Variants in CASR observed in about 807,000 individuals in gnomAD.
CASR encodes calcium sensing receptor, also known as extracellular calcium-sensing receptor.
Under a neutral mutation model 69.1 loss-of-function variants are expected in CASR, and 23 were observed. The ratio of observed to expected loss-of-function variants is 0.33; its 90% CI spans 0.24 to 0.47. The LOEUF (loss-of-function observed/expected upper bound fraction) is 0.47, where lower values mean the gene tolerates loss of function less well. Among genes scored for constraint, CASR ranks in the 20% least tolerant of loss-of-function variants. The probability of loss-of-function intolerance (pLI) is 1.00; values close to 1 mark genes in which losing one functional copy is unlikely to be tolerated. For synonymous variants in CASR, 541 were observed against 544.7 expected (o/e 0.99, Z 0.10); for missense variants, 924 against 1,356.1 (o/e 0.68, Z 5.00).
At chr3:122,258,908 G>A (rs1163392345) in intron 3 of CASR, among the ~76,000 whole-genome samples, 1 of 152,074 alleles carries the variant, frequency 6.6e-6, no homozygotes, top group Non-Finnish European at 1.5e-5. Flanking sequence ...TGATTCTAAT[G>A]TGCAGCTGGG....
chr3:122,279,463 TA>T (rs995936650), intron 5 of CASR, among the ~76,000 whole-genome samples: 2 of 152,160 alleles, frequency 1.3e-5, no homozygotes, highest in African/African-American at 4.8e-5. Flanking sequence ...AAATCCTAAA[TA>T]AAATATCACC....
At chr3:122,255,496 G>A (rs1057420214) in intron 2 of CASR, among the ~76,000 whole-genome samples, 2 of 152,208 alleles carry the variant, frequency 1.3e-5, no homozygotes, top group East Asian at 1.9e-4. Context: ...GTGCAGAATC[G>A]CACTGATGCT....
chr3:122,218,260 G>A (rs759044419), intron 1 of CASR, among the ~76,000 whole-genome samples: 1 of 152,104 alleles, frequency 6.6e-6, no homozygotes, highest in Non-Finnish European at 1.5e-5. Flanking sequence ...TACGGGCCAA[G>A]CATGGTAGCT....
chr3:122,267,117 C>T (rs1160250103), intron 4 of CASR, among the ~76,000 whole-genome samples: 1 of 152,194 alleles, frequency 6.6e-6, no homozygotes, highest in African/African-American at 2.4e-5. Context: ...TAAAGATTCC[C>T]TGTCATTGCT....
intron 1 of CASR, among the ~76,000 whole-genome samples, chr3:122,248,153 C>G (rs1305591178): frequency 6.6e-6 from 1 of 152,096 alleles, no homozygotes; most frequent in Non-Finnish European, 1.5e-5. Flanking sequence ...GAAAGAGGGC[C>G]CTCATTTTAA....
intron 6 of CASR, 60 bp from the exon 7 acceptor site, chr3:122,283,627 C>A: frequency 7.4e-7 from 1 of 1,348,694 alleles, no homozygotes; most frequent in Non-Finnish European, 1.1e-6. Context: ...ACCACATGTA[C>A]ACTCACACAT....
intron 1 of CASR, among the ~76,000 whole-genome samples, chr3:122,252,707 A>G (rs2074511255): frequency 6.6e-6 from 1 of 152,070 alleles, no homozygotes; most frequent in South Asian, 2.1e-4. Context: ...GGAGGAAAAG[A>G]TGGCTCCTTA....
At chr3:122,215,380 A>G (rs1444559694) in intron 1 of CASR, among the ~76,000 whole-genome samples, 1 of 152,236 alleles carries the variant, frequency 6.6e-6, no homozygotes, top group East Asian at 1.9e-4. Flanking sequence ...AAAAAAGATG[A>G]CAGCCATCTA....
At chr3:122,209,461 A>G (rs2074040749) in intron 1 of CASR, among the ~76,000 whole-genome samples, 1 of 152,234 alleles carries the variant, frequency 6.6e-6, no homozygotes, top group Non-Finnish European at 1.5e-5. Context: ...CCTCACAATC[A>G]TGGCAAAAGG....
chr3:122,196,402 G>A (rs1320532078), intron 1 of CASR, among the ~76,000 whole-genome samples: 1 of 152,106 alleles, frequency 6.6e-6, no homozygotes, highest in African/African-American at 2.4e-5. Context: ...AAAGCTGTGA[G>A]ATGAAGTAAG....
At chr3:122,219,080 G>T (rs2074146175) in intron 1 of CASR, among the ~76,000 whole-genome samples, 1 of 152,096 alleles carries the variant, frequency 6.6e-6, no homozygotes, top group Non-Finnish European at 1.5e-5. Context: ...AAAATGGGGT[G>T]GTAGGTCATT....
In CASR at chr3:122,257,078, C is replaced by T. The variant is rs1309403871; in HGVS notation, c.186-3C>T. On this transcript the variant is annotated splice_polypyrimidine_tract_variant and splice_region_variant and intron_variant, in intron 2 of 6. Transcript: ENST00000639785. ...ATTTTCTTCCACTTCTTCTTTCTTC[C>T]AGGTATAATTTCCGTGGGTTTCGCT... The T allele has an allele frequency of 1.2e-6, 2 of 1,613,498 alleles. No individual in the cohort carries two copies. Among genetic ancestry groups the T allele is most frequent in the Admixed American group, 1.7e-5 (1 of 60,006 alleles).
chr3:122,270,993 T>A (rs947038850), intron 4 of CASR, among the ~76,000 whole-genome samples: 13 of 152,342 alleles, frequency 8.5e-5, no homozygotes, highest in African/African-American at 2.6e-4. Flanking sequence ...TCTGTAAATA[T>A]CAATTAGATC....
chr3:122,244,722 T>C (rs2074410348), intron 1 of CASR, among the ~76,000 whole-genome samples: 1 of 151,786 alleles, frequency 6.6e-6, no homozygotes, highest in Non-Finnish European at 1.5e-5. Flanking sequence ...GATTTGTGCA[T>C]ATCTGATGTC....
At chr3:122,264,760 C>T (rs2036399) in intron 4 of CASR, among the ~76,000 whole-genome samples, 21,390 of 152,172 alleles carry the variant, frequency 0.14, 1,691 homozygotes, top group Admixed American at 0.23. Flanking sequence ...GTTGGATGGG[C>T]GTTCCAGAAT....
At chr3:122,244,571 A>G (rs923744493) in intron 1 of CASR, among the ~76,000 whole-genome samples, 3 of 152,176 alleles carry the variant, frequency 2.0e-5, no homozygotes, top group Non-Finnish European at 2.9e-5. Context: ...CCCATCTTTG[A>G]TGGTAGAAGT....
chr3:122,283,870 A>G lies in CASR; in HGVS notation c.1916A>G (p.Asn639Ser), dbSNP rs1559968444. The change falls in exon 7 of 7, where the codon AAC becomes AGC. Residue 639 changes from asparagine to serine, a missense_variant. Around this residue, in one of 8 missense-constraint regions of CASR, gnomAD observed 184 missense variants for 278.8 expected, o/e 0.66. Transcript: ENST00000639785. The stretch of plus-strand genomic sequence containing the variant: ...CTGGGTGTGTTTATCAAGTTCCGCA[A>G]CACACCCATTGTCAAGGCCACCAAC... ...FVLGVFIKFR[N>S]TPIVKATNRE... 4.3e-6 allele frequency: 7 copies of G among 1,613,900 alleles called. No homozygotes were observed. Among genetic ancestry groups the G allele is most frequent in the Non-Finnish European group, 5.9e-6 (7 of 1,179,992 alleles).
At chr3:122,224,362 A>G (rs1035819078) in intron 1 of CASR, among the ~76,000 whole-genome samples, 1 of 152,254 alleles carries the variant, frequency 6.6e-6, no homozygotes, top group Non-Finnish European at 1.5e-5. Context: ...TACAAAATCA[A>G]TGTACAAAAT....
At chr3:122,206,537 CT>C (rs2074008566) in intron 1 of CASR, among the ~76,000 whole-genome samples, 1 of 151,820 alleles carries the variant, frequency 6.6e-6, no homozygotes, top group African/African-American at 2.4e-5. Flanking sequence ...TGTAAGTTTT[CT>C]TTTTTTGCTG....
Sources: allele counts gnomAD v4.1 joint callset (sites outside exome capture counted in the v4.1 genomes callset), GRCh38; gene constraint gnomAD v4.1.1; regional missense constraint gnomAD v4.1.1; transcripts MANE v1.5; gene names NCBI Gene and HGNC (gene_info 2026-07-23, HGNC 2026-07-21).